Variants in SPATA6 observed in about 807,000 individuals in gnomAD.
SPATA6 encodes spermatogenesis associated 6, also known as spermatogenesis-associated protein 6.
Under a neutral mutation model 65.3 loss-of-function variants are expected in SPATA6, and 56 were observed. That is an observed-to-expected ratio of 0.86 (90% confidence interval 0.69 to 1.07). The LOEUF (loss-of-function observed/expected upper bound fraction) is 1.07, where lower values mean the gene tolerates loss of function less well. Among genes scored for constraint, SPATA6 ranks in the 50% least tolerant of loss-of-function variants. SPATA6 has a pLI of 0.00. For missense variants in SPATA6, 590 were observed against 594.8 expected (o/e 0.99, Z 0.08); for synonymous variants, 199 against 213.2 (o/e 0.93, Z 0.58).
intron 3 of SPATA6, among the ~76,000 whole-genome samples, chr1:48,433,284 T>C (rs1209466973): frequency 6.6e-6 from 1 of 152,090 alleles, no homozygotes; most frequent in Non-Finnish European, 1.5e-5. Context: ...GATAGTAAAT[T>C]TCATTATGTA....
At chr1:48,428,802 T>G (rs937666872) in intron 3 of SPATA6, among the ~76,000 whole-genome samples, 2 of 115,456 alleles carry the variant, frequency 1.7e-5, no homozygotes, top group Non-Finnish European at 3.8e-5. Flanking sequence ...TGTGTGTGTG[T>G]GTGTGTGTAT....
chr1:48,342,317 T>C (rs1200653482), intron 11 of SPATA6, among the ~76,000 whole-genome samples: 2 of 152,144 alleles, frequency 1.3e-5, no homozygotes, highest in South Asian at 2.1e-4. Context: ...ATGAAGCACA[T>C]GCATGTCACA....
intron 9 of SPATA6, among the ~76,000 whole-genome samples, chr1:48,385,062 A>G (rs949612663): frequency 1.2e-4 from 18 of 152,230 alleles, no homozygotes; most frequent in Non-Finnish European, 1.3e-4. Context: ...GCACACACAT[A>G]AACATAGACT....
intron 9 of SPATA6, among the ~76,000 whole-genome samples, chr1:48,366,908 T>C (rs1377132075): frequency 6.6e-6 from 1 of 152,238 alleles, no homozygotes; most frequent in Non-Finnish European, 1.5e-5. Context: ...TTTTGCATCT[T>C]TCCTGCTTTG....
At chr1:48,285,002 G>A in the SPATA6 span, among the ~76,000 whole-genome samples, 24 of 152,304 alleles carry the variant, frequency 1.6e-4, no homozygotes, top group South Asian at 6.2e-4. Flanking sequence ...ACGCAGGAAC[G>A]TTTAAGTCTG....
intron 3 of SPATA6, among the ~76,000 whole-genome samples, chr1:48,423,349 G>A (rs1436874740): frequency 1.3e-5 from 2 of 151,466 alleles, no homozygotes; most frequent in South Asian, 2.1e-4. Context: ...CCAGCTACTC[G>A]GGAAGCTGAG....
intron 11 of SPATA6, among the ~76,000 whole-genome samples, chr1:48,308,385 A>C (rs1198025761): frequency 2.0e-5 from 3 of 152,090 alleles, no homozygotes; most frequent in Non-Finnish European, 4.4e-5. Context: ...TGCTATTTTT[A>C]CATAAATTAC....
chr1:48,423,560 C>CTTTTTT (rs1273413209), intron 3 of SPATA6, among the ~76,000 whole-genome samples: 7 of 99,046 alleles, frequency 7.1e-5, no homozygotes, highest in African/African-American at 2.3e-4. Flanking sequence ...TTCTTTCTTT[C>CTTTTTT]TTTCTTTTTT....
At chr1:48,393,475 C>T (rs1043175501) in intron 8 of SPATA6, among the ~76,000 whole-genome samples, 29 of 151,996 alleles carry the variant, frequency 1.9e-4, no homozygotes, top group African/African-American at 7.0e-4. Flanking sequence ...GGCATGGCAG[C>T]TGAATGCTAT....
At chr1:48,453,437 T>A (rs1656755624) in intron 1 of SPATA6, among the ~76,000 whole-genome samples, 1 of 152,232 alleles carries the variant, frequency 6.6e-6, no homozygotes, top group Non-Finnish European at 1.5e-5. Context: ...GCTCCCACTT[T>A]ATGCTGAATG....
chr1:48,333,060 G>C (rs1645960265), intron 11 of SPATA6, among the ~76,000 whole-genome samples: 1 of 152,158 alleles, frequency 6.6e-6, no homozygotes, highest in Non-Finnish European at 1.5e-5. Context: ...TATTGTGTCT[G>C]GGTGTATCTG....
At chr1:48,456,578 C>G (rs1166339756) in intron 1 of SPATA6, among the ~76,000 whole-genome samples, 1 of 151,800 alleles carries the variant, frequency 6.6e-6, no homozygotes, top group East Asian at 1.9e-4. Flanking sequence ...GATCTGAAAT[C>G]TATTGTAAAT....
At chr1:48,438,141 G>C (rs1655118897) in intron 3 of SPATA6, among the ~76,000 whole-genome samples, 1 of 152,042 alleles carries the variant, frequency 6.6e-6, no homozygotes, top group South Asian at 2.1e-4. Flanking sequence ...TCTTGCTGCT[G>C]CTCACTCTTT....
intron 11 of SPATA6, among the ~76,000 whole-genome samples, chr1:48,312,094 C>T (rs1477292864): frequency 2.6e-5 from 4 of 152,216 alleles, no homozygotes; most frequent in Non-Finnish European, 4.4e-5. Flanking sequence ...GAGCCCACCA[C>T]AGCTCAAGGA....
intron 9 of SPATA6, among the ~76,000 whole-genome samples, chr1:48,376,874 A>G (rs1647977372): frequency 6.6e-6 from 1 of 152,200 alleles, no homozygotes; most frequent in Non-Finnish European, 1.5e-5. Context: ...TAACAGAATG[A>G]TAAGGATTTG....
At chr1:48,415,968 T>C (rs776944126) in intron 3 of SPATA6, among the ~76,000 whole-genome samples, 3 of 152,114 alleles carry the variant, frequency 2.0e-5, no homozygotes, top group Non-Finnish European at 4.4e-5. Context: ...TTTTCAAGGC[T>C]GAGGAGCGTG....
At chr1:48,410,573 A>G (rs1438324222) in intron 5 of SPATA6, among the ~76,000 whole-genome samples, 1 of 152,164 alleles carries the variant, frequency 6.6e-6, no homozygotes, top group Non-Finnish European at 1.5e-5. Context: ...AATATCTGAG[A>G]CTGGGTAATT....
intron 11 of SPATA6, among the ~76,000 whole-genome samples, chr1:48,334,667 A>G (rs1348879801): frequency 1.3e-5 from 2 of 152,174 alleles, no homozygotes; most frequent in Non-Finnish European, 2.9e-5. Flanking sequence ...ACAAACCCAC[A>G]GCTAACATCA....
At chr1:48,359,828 A>G (rs1646760236) in intron 9 of SPATA6, 58 bp from the exon 10 acceptor site, 2 of 1,329,414 alleles carry the variant, frequency 1.5e-6, no homozygotes, top group East Asian at 2.5e-5. Flanking sequence ...TGTATATAAC[A>G]TATTATATAG....
Sources: gnomAD v4.1 joint callset for allele counts (sites outside exome capture counted in the v4.1 genomes callset) on GRCh38, gnomAD v4.1.1 for gene constraint, MANE v1.5 for transcripts, NCBI Gene and HGNC (gene_info 2026-07-23, HGNC 2026-07-21) for gene names.